Variants in FRYL observed in about 807,000 individuals in gnomAD.
The protein encoded by FRYL is protein furry homolog-like.
A neutral mutation model predicts 351.2 loss-of-function variants in FRYL; 150 were observed. The observed-to-expected ratio is 0.43, with a 90% CI of 0.37 to 0.49. The LOEUF (loss-of-function observed/expected upper bound fraction) is 0.49. Among genes scored for constraint, FRYL ranks in the 20% least tolerant of loss-of-function variants. The pLI is 0.00. For synonymous variants in FRYL, 1,153 were observed against 1,257.1 expected (o/e 0.92, Z 1.75); for missense variants, 3,036 against 3,619.3 (o/e 0.84, Z 4.13).
intron 18 of FRYL, among the ~76,000 whole-genome samples, chr4:48,587,820 C>T (rs1209447151): frequency 2.0e-5 from 3 of 152,190 alleles, no homozygotes; most frequent in Admixed American, 2.0e-4. Context: ...GCTGGGATTA[C>T]AGGCATGAGT....
At chr4:48,563,664 C>T (rs1736041461) in intron 31 of FRYL, among the ~76,000 whole-genome samples, 1 of 150,518 alleles carries the variant, frequency 6.6e-6, no homozygotes, top group African/African-American at 2.5e-5. Flanking sequence ...GAACTATGAT[C>T]ATGCCACTGC....
At chr4:48,693,292 A>C (rs960680892) in intron 2 of FRYL, among the ~76,000 whole-genome samples, 3 of 152,206 alleles carry the variant, frequency 2.0e-5, no homozygotes, top group African/African-American at 7.2e-5. Context: ...GGTTTTTAAG[A>C]TTCTTCTTTA....
At chr4:48,583,253 G>A (rs188611300) in intron 19 of FRYL, among the ~76,000 whole-genome samples, 18 of 151,804 alleles carry the variant, frequency 1.2e-4, no homozygotes, top group African/African-American at 4.3e-4. Flanking sequence ...CTGGGTTCAC[G>A]CCATTCTCCT....
At chr4:48,683,409 AAAGTAT>A (rs1764857886) in intron 3 of FRYL, among the ~76,000 whole-genome samples, 1 of 151,652 alleles carries the variant, frequency 6.6e-6, no homozygotes, top group Non-Finnish European at 1.5e-5. Flanking sequence ...CCCAGAACTT[AAAGTAT>A]AATTAAAAAA....
intron 2 of FRYL, among the ~76,000 whole-genome samples, chr4:48,693,206 A>C (rs189742920): frequency 1.3e-4 from 20 of 152,192 alleles, no homozygotes; most frequent in African/African-American, 3.9e-4. Flanking sequence ...CATTTAAGCT[A>C]TCTCATTTTC....
At chr4:48,695,133 G>A (rs1034462710) in intron 2 of FRYL, among the ~76,000 whole-genome samples, 38 of 152,272 alleles carry the variant, frequency 2.5e-4, no homozygotes, top group Non-Finnish European at 4.9e-4. Context: ...GAGAAAATGC[G>A]TAAGAATCAG....
chr4:48,591,766 C>T (rs934579512), intron 16 of FRYL, among the ~76,000 whole-genome samples: 1 of 152,104 alleles, frequency 6.6e-6, no homozygotes, highest in Non-Finnish European at 1.5e-5. Context: ...ACCACCCATA[C>T]CAGATCACCC....
At chr4:48,580,792 ATGTACATGTATACATATG>A in intron 22 of FRYL, 55 bp downstream of exon 22, 1 of 913,378 alleles carries the variant, frequency 1.1e-6, no homozygotes, top group Non-Finnish European at 1.8e-6. Flanking sequence ...ATGTATGCAC[ATGTACATGTATACATATG>A]TGTCTGTCAT....
chr4:48,663,010 G>A (rs975481457), intron 3 of FRYL, among the ~76,000 whole-genome samples: 8 of 152,080 alleles, frequency 5.3e-5, no homozygotes, highest in African/African-American at 1.7e-4. Flanking sequence ...CATGCAAGAT[G>A]AAAACTTGAA....
chr4:48,709,607 A>G (rs1027275843), intron 2 of FRYL, among the ~76,000 whole-genome samples: 2 of 152,142 alleles, frequency 1.3e-5, no homozygotes, highest in African/African-American at 4.8e-5. Context: ...AAAAACCAAA[A>G]ATCTATCAAT....
chr4:48,563,832 C>T (rs1736120447), intron 31 of FRYL, 116 bp downstream of exon 31: 4 of 1,089,472 alleles, frequency 3.7e-6, no homozygotes, highest in Non-Finnish European at 5.2e-6. Context: ...GGAACCAATC[C>T]CCCACAGATA....
chr4:48,779,825 G>C (rs966579944), intron 1 of FRYL, among the ~76,000 whole-genome samples: 13 of 151,120 alleles, frequency 8.6e-5, no homozygotes, highest in Non-Finnish European at 1.5e-4. Flanking sequence ...CCGGAGCTCG[G>C]GCGGGCTTTC....
Position 48,552,643 on chromosome 4 carries a change from G to A in FRYL, c.4435+572C>T, listed in dbSNP as rs111539667. Among the ~76,000 whole-genome samples, 930 of 151,928 alleles carry A rather than the reference G, an allele frequency of 6.1e-3. 12 individuals carry two copies. Among genetic ancestry groups the A allele is most frequent in the African/African-American group, 0.021 (872 of 41,406 alleles). On this transcript the variant is annotated intron_variant, in intron 36 of 63. Transcript: ENST00000358350. The stretch of plus-strand genomic sequence containing the variant: ...CTACTTTAAAAAATTATAATTAAAT[G>A]AAACTTTAGAATTAAAAACATTCTA...
intron 1 of FRYL, among the ~76,000 whole-genome samples, chr4:48,726,683 AAAAC>A (rs536966578): frequency 5.9e-5 from 9 of 152,244 alleles, no homozygotes; most frequent in Admixed American, 2.0e-4. Flanking sequence ...CTCCATCTCC[AAAAC>A]AAACAAACAA....
At chr4:48,776,698 A>G (rs1216705662) in intron 1 of FRYL, among the ~76,000 whole-genome samples, 1 of 152,216 alleles carries the variant, frequency 6.6e-6, no homozygotes, top group Non-Finnish European at 1.5e-5. Flanking sequence ...GCAGGGCCAG[A>G]TGGATGATCC....
At chr4:48,689,612 G>C (rs1202232069) in intron 2 of FRYL, among the ~76,000 whole-genome samples, 1 of 151,968 alleles carries the variant, frequency 6.6e-6, no homozygotes, top group African/African-American at 2.4e-5. Context: ...TTATTAAGCA[G>C]AACTATCTGC....
chr4:48,567,383 T>C lies in FRYL; in HGVS notation c.3034A>G (p.Asn1012Asp), dbSNP rs776035301. Residue 1012 changes from asparagine to aspartate, a missense_variant, in exon 28 of 64, where the codon AAC (asparagine) becomes GAC (aspartate). By Grantham distance (23) the Asn-to-Asp change is conservative (BLOSUM62 1). Around this residue, in one of 7 missense-constraint regions of FRYL, gnomAD observed 492 missense variants for 551.5 expected, o/e 0.89. Transcript: ENST00000358350. This position sits in a 1 kb window ranked among gnomAD's most constrained non-coding sequence, Gnocchi z 4.2. Reference protein sequence around the residue: ...GGLDNETHFLNNTLLEYVDLT... With the variant: ...GGLDNETHFLDNTLLEYVDLT... ...TCTACATATTCCAATAAAGTGTTGT[T>C]GAGAAAATGTGTTTCATTATCAAGG... 6.8e-6 allele frequency: 11 copies of C among 1,608,062 alleles called. No individual in the cohort carries two copies. The highest frequency in any genetic ancestry group is 9.3e-6 in the Non-Finnish European group (11 of 1,178,366).
chr4:48,742,998 T>C (rs896076876), intron 1 of FRYL, among the ~76,000 whole-genome samples: 1 of 126,054 alleles, frequency 7.9e-6, no homozygotes. Context: ...TTTTTTTTTT[T>C]ACTAGAGACA....
At chr4:48,764,101 C>T (rs1386932049) in intron 1 of FRYL, among the ~76,000 whole-genome samples, 5 of 151,966 alleles carry the variant, frequency 3.3e-5, no homozygotes, top group South Asian at 4.2e-4. Context: ...ACACAAGAAG[C>T]GAAGGTCATA....
Sources: allele counts gnomAD v4.1 joint callset (sites outside exome capture counted in the v4.1 genomes callset), GRCh38; gene constraint gnomAD v4.1.1; regional missense constraint gnomAD v4.1.1; non-coding constraint Gnocchi (gnomAD v3.1); transcripts MANE v1.5; gene names NCBI Gene and HGNC (gene_info 2026-07-23, HGNC 2026-07-21).